Variants in FAAH2 observed in about 807,000 individuals in gnomAD.
FAAH2 encodes fatty-acid amide hydrolase 2.
Under a neutral mutation model 36.9 loss-of-function variants are expected in FAAH2, and 60 were observed. The ratio of observed to expected loss-of-function variants is 1.63; its 90% CI spans 1.32 to 2.02. FAAH2 has a LOEUF of 2.02. FAAH2 is among the 30% of genes most tolerant of loss of function. The pLI, the probability that FAAH2 is intolerant of heterozygous loss-of-function variation, is 0.00. For missense variants in FAAH2, 689 were observed against 397.5 expected, an observed-to-expected ratio of 1.73 and a Z score of -6.23; for synonymous variants, 214 against 143.8, an observed-to-expected ratio of 1.49 and a Z score of -3.49.
intron 8 of FAAH2, among the ~76,000 whole-genome samples, chrX:57,441,590 T>TG (rs1319573435): frequency 1.8e-5 from 2 of 110,747 alleles, no homozygotes; most frequent in Non-Finnish European, 3.8e-5. Flanking sequence ...CGTTTTTTTT[T>TG]TGTGTGTGTC....
intron 2 of FAAH2, among the ~76,000 whole-genome samples, chrX:57,294,480 C>T (rs2052074759): frequency 8.9e-6 from 1 of 111,879 alleles, no homozygotes; most frequent in South Asian, 3.7e-4. Context: ...CTAGGTGTAC[C>T]CCTAGACTCT....
At chrX:57,409,355 T>C (rs1323920768) in intron 7 of FAAH2, among the ~76,000 whole-genome samples, 1 of 111,559 alleles carries the variant, frequency 9.0e-6, no homozygotes, top group Non-Finnish European at 1.9e-5. Flanking sequence ...GATATTTACC[T>C]GTAATTTTAT....
the FAAH2 span, among the ~76,000 whole-genome samples, chrX:57,256,152 T>C: frequency 3.6e-5 from 4 of 111,636 alleles, no homozygotes; most frequent in Non-Finnish European, 7.5e-5. Flanking sequence ...AGCCAGATTA[T>C]GATCGAACTC....
At chrX:57,414,598 C>T (rs977994939) in intron 7 of FAAH2, among the ~76,000 whole-genome samples, 3 of 111,073 alleles carry the variant, frequency 2.7e-5, no homozygotes, top group Non-Finnish European at 5.7e-5. Flanking sequence ...CTTTTTGATT[C>T]GCTACTGGAT....
chrX:57,336,754 G>A (rs770589379), intron 4 of FAAH2, among the ~76,000 whole-genome samples: 33 of 111,563 alleles, frequency 3.0e-4, no homozygotes, highest in African/African-American at 1.1e-3. Flanking sequence ...GCACTGTTTA[G>A]AGGGAAATTT....
chrX:57,214,776 A>C, the FAAH2 span, among the ~76,000 whole-genome samples: 1 of 111,352 alleles, frequency 9.0e-6, no homozygotes, highest in East Asian at 2.8e-4. Context: ...AAACACAGAA[A>C]ATTTTATTAT....
the FAAH2 span, among the ~76,000 whole-genome samples, chrX:57,252,617 A>G: frequency 8.9e-6 from 1 of 112,117 alleles, no homozygotes; most frequent in Non-Finnish European, 1.9e-5. Flanking sequence ...GGTGATACCC[A>G]GGCAAACAGG....
At chrX:57,159,440 A>G in the FAAH2 span, among the ~76,000 whole-genome samples, 2 of 111,471 alleles carry the variant, frequency 1.8e-5, no homozygotes, top group African/African-American at 3.3e-5. Flanking sequence ...CATTATGGCC[A>G]TTTTCATGAT....
chrX:57,229,904 C>G, the FAAH2 span, among the ~76,000 whole-genome samples: 1 of 111,383 alleles, frequency 9.0e-6, no homozygotes, highest in Non-Finnish European at 1.9e-5. Context: ...TTTCAATATC[C>G]CTGTAGATAA....
At chrX:57,309,536 TG>T (rs1319300680) in intron 2 of FAAH2, among the ~76,000 whole-genome samples, 2 of 111,630 alleles carry the variant, frequency 1.8e-5, no homozygotes, top group African/African-American at 6.5e-5. Flanking sequence ...TGTACCATGA[TG>T]GTTTTCTGCA....
chrX:57,313,086 T>G (rs1220110564), intron 3 of FAAH2, among the ~76,000 whole-genome samples: 2 of 111,821 alleles, frequency 1.8e-5, no homozygotes, highest in African/African-American at 6.5e-5. Flanking sequence ...GAGAATTTCA[T>G]AATACAATTA....
At chrX:57,141,422 C>T in the FAAH2 span, among the ~76,000 whole-genome samples, 1 of 111,761 alleles carries the variant, frequency 8.9e-6, no homozygotes, top group African/African-American at 3.3e-5. Flanking sequence ...TTGGTTATGA[C>T]ATCTGAATAA....
intron 10 of FAAH2, among the ~76,000 whole-genome samples, chrX:57,468,193 T>C (rs1159355095): frequency 9.0e-6 from 1 of 111,131 alleles, no homozygotes; most frequent in Non-Finnish European, 1.9e-5. Flanking sequence ...AGAGCACCTC[T>C]CCCCCTCCAA....
chrX:57,291,377 A>G (rs2051978092), intron 1 of FAAH2, among the ~76,000 whole-genome samples: 1 of 112,181 alleles, frequency 8.9e-6, no homozygotes, highest in Non-Finnish European at 1.9e-5. Flanking sequence ...TCTAATATTA[A>G]TGATACCACC....
intron 2 of FAAH2, among the ~76,000 whole-genome samples, chrX:57,300,823 A>G (rs1198324682): frequency 2.7e-5 from 3 of 112,345 alleles, no homozygotes; most frequent in African/African-American, 9.7e-5. Flanking sequence ...CACTTCTCAA[A>G]AGAAGACATT....
At chrX:57,476,369 C>G (rs2057268064) in intron 10 of FAAH2, among the ~76,000 whole-genome samples, 1 of 110,852 alleles carries the variant, frequency 9.0e-6, no homozygotes, top group Non-Finnish European at 1.9e-5. Context: ...GAGATGTGTT[C>G]CATCAATACC....
In FAAH2 at chrX:57,432,130, G is replaced by T. The variant is rs747930670; in HGVS notation, c.1116+93G>T. 1.4e-4 allele frequency: 105 copies of T among 760,462 alleles called. 1 individual carries two copies. Among genetic ancestry groups the T allele is most frequent in the Non-Finnish European group, 1.7e-4 (95 of 551,528 alleles). 62.7% of individuals were successfully genotyped at this position (760,462 alleles called of 1,213,427 possible). A position where few individuals can be genotyped will look rare whatever the true frequency, so the allele number is the denominator to read the frequency against. ...CCATATGTTAGAGGTGTAGAGAAAA[G>T]AAACTCATGAAAAAAATAAGTAAAA... is the stretch of plus-strand genomic sequence containing the variant. On this transcript the variant is annotated intron_variant, in intron 8 of 10. Coordinates refer to ENST00000374900, the MANE Select transcript of FAAH2 (RefSeq NM_174912.4).
the FAAH2 span, among the ~76,000 whole-genome samples, chrX:57,251,332 G>A: frequency 8.1e-5 from 9 of 111,384 alleles, no homozygotes; most frequent in Non-Finnish European, 1.9e-5. Flanking sequence ...CAAAAAACTA[G>A]AGTTAGTAGG....
At chrX:57,193,181 G>T in the FAAH2 span, among the ~76,000 whole-genome samples, 1 of 111,781 alleles carries the variant, frequency 8.9e-6, no homozygotes, top group Admixed American at 9.5e-5. Context: ...AAGAGAATGT[G>T]CCCCTGAGGG....
Sources: allele counts gnomAD v4.1 joint callset (sites outside exome capture counted in the v4.1 genomes callset), GRCh38; gene constraint gnomAD v4.1.1; transcripts MANE v1.5; gene names NCBI Gene and HGNC (gene_info 2026-07-23, HGNC 2026-07-21).